The following NLRC4 variants were observed in gnomAD, a reference collection of about 807,000 sequenced individuals.
The protein encoded by NLRC4 is NLR family CARD domain containing 4, also known as NLR family CARD domain-containing protein 4.
NLRC4 carries 63 observed loss-of-function variants against 79.9 expected under a neutral mutation model. That is an observed-to-expected ratio of 0.79 (90% confidence interval 0.64 to 0.97). The LOEUF (loss-of-function observed/expected upper bound fraction) is 0.97, where lower values mean the gene tolerates loss of function less well. Among genes scored for constraint, NLRC4 ranks in the 50% least tolerant of loss-of-function variants. The probability of loss-of-function intolerance (pLI) is 0.00; values close to 1 mark genes in which losing one functional copy is unlikely to be tolerated. For missense variants in NLRC4, 1,074 were observed against 1,215.2 expected, an observed-to-expected ratio of 0.88 and a Z score of 1.73; for synonymous variants, 461 against 456.5, an observed-to-expected ratio of 1.01 and a Z score of -0.12.
At chr2:32,227,001 C>G (rs1352400079) in intron 8 of NLRC4, among the ~76,000 whole-genome samples, 1 of 152,168 alleles carries the variant, frequency 6.6e-6, no homozygotes, top group Non-Finnish European at 1.5e-5. Flanking sequence ...ACCTCCCTTG[C>G]TATTAGGTGT....
At chr2:32,232,143 G>A (rs1686552914) in intron 8 of NLRC4, among the ~76,000 whole-genome samples, 1 of 152,072 alleles carries the variant, frequency 6.6e-6, no homozygotes, top group Admixed American at 6.6e-5. Flanking sequence ...TCATATCTAG[G>A]TACATACTAT....
intron 8 of NLRC4, among the ~76,000 whole-genome samples, chr2:32,233,978 T>C (rs1458554489): frequency 2.0e-5 from 3 of 152,208 alleles, no homozygotes; most frequent in African/African-American, 7.2e-5. Flanking sequence ...TGGGGACATA[T>C]ATATGTGTGT....
chr2:32,242,454 C>T (rs1686828438), intron 4 of NLRC4, among the ~76,000 whole-genome samples: 1 of 152,168 alleles, frequency 6.6e-6, no homozygotes, highest in African/African-American at 2.4e-5. Flanking sequence ...TACCAACACT[C>T]ATGTGATACG....
chr2:32,243,113 AAAG>A (rs2148937703), intron 4 of NLRC4, among the ~76,000 whole-genome samples: 1 of 151,994 alleles, frequency 6.6e-6, no homozygotes, highest in African/African-American at 2.4e-5. Flanking sequence ...ACGGAAAAGA[AAAG>A]AAAGAAAATT....
intron 4 of NLRC4, among the ~76,000 whole-genome samples, chr2:32,243,824 C>T (rs879755252): frequency 9.2e-5 from 14 of 151,608 alleles, no homozygotes; most frequent in Admixed American, 2.6e-4. Context: ...AATATTACAC[C>T]ACCTCCAAAT....
intron 5 of NLRC4, among the ~76,000 whole-genome samples, chr2:32,238,918 T>A (rs1028423804): frequency 6.6e-6 from 1 of 152,210 alleles, no homozygotes; most frequent in Non-Finnish European, 1.5e-5. Flanking sequence ...TAGGATTGGT[T>A]AGGCCTCACT....
In NLRC4 at chr2:32,224,970, G is replaced by A. The variant is rs543792803; in HGVS notation, c.2783-205C>T. ...GAATATGGTCTATTATATTTTCCTA[G>A]AGTATAAGGGAATCTGATAAATAGT... On this transcript the variant is annotated intron_variant, in intron 8 of 8. Transcript: ENST00000402280. Among the ~76,000 whole-genome samples the A allele has an allele frequency of 3.3e-5, 5 of 152,140 alleles. No individual in the cohort carries two copies. The South Asian group carries it at 1.0e-3, about 32-fold the overall frequency.
At chr2:32,261,316 C>CCCCTTT in intron 1 of NLRC4, among the ~76,000 whole-genome samples, 6 of 96,882 alleles carry the variant, frequency 6.2e-5, no homozygotes, top group Admixed American at 1.2e-4. Flanking sequence ...AGCCTCCCCC[C>CCCCTTT]TTTTGTTTTT....
chr2:32,262,059 G>A (rs1037460724), intron 1 of NLRC4, among the ~76,000 whole-genome samples: 5 of 151,996 alleles, frequency 3.3e-5, no homozygotes, highest in African/African-American at 1.2e-4. Context: ...CCAGCCTGGT[G>A]ACAGAGCGAG....
chr2:32,260,843 C>T (rs1026953500), intron 1 of NLRC4, among the ~76,000 whole-genome samples: 3 of 152,146 alleles, frequency 2.0e-5, no homozygotes, highest in African/African-American at 7.2e-5. Context: ...CCGGTTCTGA[C>T]CAATCTCTCA....
chr2:32,250,470 T>C lies in NLRC4; in HGVS notation c.1394A>G (p.Glu465Gly), dbSNP rs767556431. Residue 465 changes from glutamate (E) to glycine (G), a missense_variant, in exon 4 of 9, where the codon GAG (glutamate) becomes GGG (glycine). Transcript: ENST00000402280. The surrounding 1 kb of genome is among the most constrained non-coding windows in gnomAD (Gnocchi z 4.9). ...GTAACCATTCCCCTTGGTCACCTCC[T>C]CTGGCTCATGAGACGTCAATAAACT... The part of the protein sequence containing the change: ...LSSLLTSHEP[E>G]EVTKGNGYLQ... 2.5e-6 allele frequency: 4 copies of C among 1,614,248 alleles called. No individual in the cohort carries two copies. The highest frequency in any genetic ancestry group is 3.4e-6 in the Non-Finnish European group (4 of 1,180,050).
At chr2:32,253,428 G>A (rs1046539835) in intron 2 of NLRC4, among the ~76,000 whole-genome samples, 23 of 151,998 alleles carry the variant, frequency 1.5e-4, no homozygotes, top group African/African-American at 4.3e-4. Context: ...GATTACAGGC[G>A]TGAGCCACCG....
intron 1 of NLRC4, among the ~76,000 whole-genome samples, chr2:32,261,727 C>T (rs954370787): frequency 1.3e-5 from 2 of 152,026 alleles, no homozygotes; most frequent in Non-Finnish European, 2.9e-5. Context: ...TATCTATTTT[C>T]AGAAAATAAA....
chr2:32,256,610 G>GTAA (rs1404056568), intron 2 of NLRC4, among the ~76,000 whole-genome samples, 165 bp downstream of exon 2: 5 of 152,098 alleles, frequency 3.3e-5, no homozygotes, highest in African/African-American at 1.2e-4. Context: ...TTTTATCACA[G>GTAA]GTTACCATAT....
At chr2:32,242,190 A>T (rs1686821486) in intron 4 of NLRC4, among the ~76,000 whole-genome samples, 1 of 152,124 alleles carries the variant, frequency 6.6e-6, no homozygotes. Context: ...CAAAATTATA[A>T]ACAGGTAAAC....
At chr2:32,233,162 AAGGAAGGAAGGAAGGAAGG>A (rs1686582202) in intron 8 of NLRC4, among the ~76,000 whole-genome samples, 1 of 82,158 alleles carries the variant, frequency 1.2e-5, no homozygotes, top group Non-Finnish European at 2.3e-5. Context: ...GGAAGGAAGG[AAGGAAGGAAGGAAGGAAGG>A]AAGGAAGGAA....
intron 2 of NLRC4, among the ~76,000 whole-genome samples, chr2:32,256,429 G>A (rs1687209170): frequency 6.6e-6 from 1 of 152,028 alleles, no homozygotes; most frequent in South Asian, 2.1e-4. Flanking sequence ...GCCATTTAAA[G>A]TGGAAGGAGC....
intron 8 of NLRC4, among the ~76,000 whole-genome samples, chr2:32,230,680 G>A (rs1403611188): frequency 2.6e-5 from 4 of 151,990 alleles, no homozygotes; most frequent in African/African-American, 4.8e-5. Context: ...ATTATTTGAT[G>A]GACATTTGAG....
At chr2:32,236,168 C>G (rs1686667771) in intron 7 of NLRC4, 79 bp downstream of exon 7, 7 of 868,286 alleles carry the variant, frequency 8.1e-6, no homozygotes, top group Non-Finnish European at 1.3e-5. Context: ...TATAAAAGAC[C>G]TCAGGACCCA....
Sources: gnomAD v4.1 joint callset for allele counts (sites outside exome capture counted in the v4.1 genomes callset) on GRCh38, gnomAD v4.1.1 for gene constraint, Gnocchi (gnomAD v3.1) non-coding constraint, MANE v1.5 for transcripts, NCBI Gene and HGNC (gene_info 2026-07-23, HGNC 2026-07-21) for gene names.